The following ADAMTS20 variants were observed in gnomAD, a reference collection of about 807,000 sequenced individuals.
ADAMTS20 encodes A disintegrin and metalloproteinase with thrombospondin motifs 20.
A neutral mutation model predicts 260.1 loss-of-function variants in ADAMTS20; 225 were observed. The ratio of observed to expected loss-of-function variants is 0.87; its 90% CI spans 0.78 to 0.97. ADAMTS20 has a LOEUF of 0.97. Ranked by LOEUF, ADAMTS20 falls within the 50% of genes least tolerant of loss-of-function variation. ADAMTS20 has a pLI of 0.00. For missense variants in ADAMTS20, 2,400 were observed against 2,337.7 expected (o/e 1.03, Z -0.55); for synonymous variants, 802 against 769.5 (o/e 1.04, Z -0.70).
chr12:43,432,461 C>G lies in ADAMTS20; in HGVS notation c.2939G>C (p.Arg980Thr). The change falls in exon 21 of 39, where the codon AGG (arginine) becomes ACG (threonine). Residue 980 changes from arginine to threonine, a missense_variant. Arg to Thr is a moderately conservative substitution (Grantham distance 71, BLOSUM62 -1). Transcript: ENST00000389420. ...AGACCTTTCCCCTCCTCCACAACTC[C>G]TGGAACACTGATTAAAAAAAAAAAA... ...WHYSEWSQCS[R>T]SCGGGERSRE... 1 of 1,596,696 alleles carries G rather than the reference C, an allele frequency of 6.3e-7. No homozygotes were observed. The highest frequency in any genetic ancestry group is 8.5e-7 in the Non-Finnish European group (1 of 1,175,660).
At chr12:43,485,009 G>T (rs1280396989) in intron 7 of ADAMTS20, among the ~76,000 whole-genome samples, 1 of 148,474 alleles carries the variant, frequency 6.7e-6, no homozygotes, top group African/African-American at 2.5e-5. Context: ...TACTAAAACT[G>T]TTCCAAAAGA....
intron 37 of ADAMTS20, among the ~76,000 whole-genome samples, chr12:43,357,024 C>T (rs75559961): frequency 6.6e-6 from 1 of 152,120 alleles, no homozygotes; most frequent in Non-Finnish European, 1.5e-5. Flanking sequence ...CCAGAAACAG[C>T]GTGCAGATGT....
intron 37 of ADAMTS20, 44 bp downstream of exon 37, chr12:43,369,246 T>G: frequency 7.9e-7 from 1 of 1,258,618 alleles, no homozygotes; most frequent in East Asian, 3.0e-5. Context: ...AAGCTATAAT[T>G]TTTTTCACAA....
intron 28 of ADAMTS20, among the ~76,000 whole-genome samples, chr12:43,401,003 T>C (rs1185642486): frequency 6.6e-6 from 1 of 151,942 alleles, no homozygotes. Flanking sequence ...ACATCATCTA[T>C]GAAGTGAATT....
chr12:43,510,380 A>C (rs1414082920), intron 3 of ADAMTS20, among the ~76,000 whole-genome samples: 1 of 152,028 alleles, frequency 6.6e-6, no homozygotes, highest in Non-Finnish European at 1.5e-5. Context: ...TGTAATTTTA[A>C]ATTTAAATTA....
In ADAMTS20 at chr12:43,428,637, G is replaced by A; in HGVS notation, c.3652C>T (p.Pro1218Ser). Residue 1218 changes from proline (P) to serine (S), a missense_variant and splice_region_variant, in exon 25 of 39, where the codon CCC becomes TCC. By Grantham distance (74) the Pro-to-Ser change is moderately conservative. Coordinates refer to ENST00000389420, the MANE Select transcript of ADAMTS20 (RefSeq NM_025003.5). ...TTTTTTCTCATAAGAATACTTACGG[G>A]TGACCAATCCCCTGCTTGCCACTCT... ...CGEWQAGDWS[P>S]CSASCGHGKT... 1.9e-6 allele frequency: 3 copies of A among 1,578,284 alleles called. No homozygotes were observed. Among genetic ancestry groups the A allele is most frequent in the Non-Finnish European group, 2.6e-6 (3 of 1,161,632 alleles).
chr12:43,484,308 T>A (rs1344838396), intron 7 of ADAMTS20, among the ~76,000 whole-genome samples: 2 of 152,108 alleles, frequency 1.3e-5, no homozygotes, highest in Non-Finnish European at 2.9e-5. Context: ...ATACTAACTC[T>A]CCAGAAGTGG....
chr12:43,521,363 T>C (rs1943069612), intron 3 of ADAMTS20, among the ~76,000 whole-genome samples: 1 of 152,228 alleles, frequency 6.6e-6, no homozygotes, highest in African/African-American at 2.4e-5. Flanking sequence ...CTGTACATAA[T>C]TTTATTTAAA....
intron 6 of ADAMTS20, among the ~76,000 whole-genome samples, chr12:43,490,738 C>T (rs914603620): frequency 1.1e-4 from 16 of 152,052 alleles, no homozygotes; most frequent in African/African-American, 3.9e-4. Context: ...ATATAGTTTA[C>T]CCTCATGATG....
At chr12:43,525,620 C>G (rs1421704202) in intron 3 of ADAMTS20, among the ~76,000 whole-genome samples, 2 of 152,160 alleles carry the variant, frequency 1.3e-5, no homozygotes, top group Admixed American at 6.5e-5. Context: ...TATCTACTGT[C>G]TTCAAGAGAC....
chr12:43,551,301 C>A lies in ADAMTS20; in HGVS notation c.92-31G>T, dbSNP rs1187106578. ...ACAACAGCGACAGGACCAGTGAGCT[C>A]CCACGCGTTCCTCATTGTCCAACTC... is the stretch of plus-strand genomic sequence containing the variant. On this transcript the variant is annotated intron_variant, in intron 1 of 38. Transcript: ENST00000389420. The surrounding 1 kb of genome is among the most constrained non-coding windows in gnomAD (Gnocchi z 4.6). 1.3e-6 allele frequency: 2 copies of A among 1,590,792 alleles called. No individual in the cohort carries two copies. The highest frequency in any genetic ancestry group is 1.7e-5 in the Admixed American group (1 of 58,686).
At chr12:43,422,784 A>G (rs1336614067) in intron 28 of ADAMTS20, 2 of 152,056 alleles carry the variant, frequency 1.3e-5, no homozygotes, top group Non-Finnish European at 2.9e-5. Context: ...CTATTTGGCA[A>G]TCTGTGATTA....
intron 7 of ADAMTS20, among the ~76,000 whole-genome samples, chr12:43,472,205 C>G (rs1448655592): frequency 6.8e-6 from 1 of 148,118 alleles, no homozygotes; most frequent in East Asian, 2.0e-4. Flanking sequence ...GCCTCAGGAG[C>G]CGATGCGATC....
chr12:43,532,601 T>A (rs1273852243), intron 2 of ADAMTS20, among the ~76,000 whole-genome samples: 1 of 133,948 alleles, frequency 7.5e-6, no homozygotes, highest in Non-Finnish European at 1.6e-5. Context: ...ATGTGCACAT[T>A]GTGCAGGTTA....
intron 3 of ADAMTS20, among the ~76,000 whole-genome samples, chr12:43,504,070 A>G (rs1003154011): frequency 6.6e-6 from 1 of 152,124 alleles, no homozygotes; most frequent in African/African-American, 2.4e-5. Context: ...CTTTGGGTAT[A>G]TGCCCAATAA....
At chr12:43,424,834 A>T (rs1941300702) in intron 28 of ADAMTS20, among the ~76,000 whole-genome samples, 1 of 151,898 alleles carries the variant, frequency 6.6e-6, no homozygotes. Context: ...TAAATATATA[A>T]AAAAACTATT....
intron 29 of ADAMTS20, among the ~76,000 whole-genome samples, chr12:43,398,600 C>G (rs760600163): frequency 6.6e-6 from 1 of 152,132 alleles, no homozygotes; most frequent in Non-Finnish European, 1.5e-5. Flanking sequence ...AAGGCAGTTA[C>G]TAAATGTATC....
chr12:43,362,903 A>G (rs1385796964), intron 37 of ADAMTS20, among the ~76,000 whole-genome samples: 1 of 151,670 alleles, frequency 6.6e-6, no homozygotes, highest in African/African-American at 2.4e-5. Context: ...TGGAAAAGGC[A>G]AGAAAACAGA....
chr12:43,472,180 G>A (rs1402943006), intron 7 of ADAMTS20, among the ~76,000 whole-genome samples: 2 of 147,186 alleles, frequency 1.4e-5, no homozygotes, highest in South Asian at 2.2e-4. Flanking sequence ...CGAGAACTAC[G>A]TGAAGAATGC....
Sources: gnomAD v4.1 joint callset for allele counts (sites outside exome capture counted in the v4.1 genomes callset) on GRCh38, gnomAD v4.1.1 for gene constraint, Gnocchi (gnomAD v3.1) non-coding constraint, MANE v1.5 for transcripts, NCBI Gene and HGNC (gene_info 2026-07-23, HGNC 2026-07-21) for gene names.